Variants in KCNN2 observed in about 807,000 individuals in gnomAD.
KCNN2 encodes the protein potassium calcium-activated channel subfamily N member 2, also known as small conductance calcium-activated potassium channel protein 2.
KCNN2 carries 24 observed loss-of-function variants against 55.5 expected under a neutral mutation model. The ratio of observed to expected loss-of-function variants is 0.43; its 90% CI spans 0.31 to 0.61. The LOEUF (loss-of-function observed/expected upper bound fraction) is 0.61. KCNN2 is among the 20% of genes least tolerant of loss of function. KCNN2 has a pLI of 0.08. For synonymous variants in KCNN2, 431 were observed against 336.1 expected, an observed-to-expected ratio of 1.28 and a Z score of -3.09; for missense variants, 754 against 853.6, an observed-to-expected ratio of 0.88 and a Z score of 1.45.
intron 3 of KCNN2, among the ~76,000 whole-genome samples, chr5:114,430,800 T>C (rs1475859894): frequency 1.3e-5 from 2 of 152,122 alleles, no homozygotes; most frequent in African/African-American, 4.8e-5. Context: ...GATTTTACCA[T>C]GAATGGGTGT....
intron 3 of KCNN2, chr5:114,434,026 T>C (rs1487489406): frequency 1.3e-5 from 2 of 152,206 alleles, no homozygotes; most frequent in East Asian, 3.8e-4. Flanking sequence ...TGTATTATTA[T>C]TTATCATATT....
Position 114,218,811 on chromosome 5 carries a change from G to C in KCNN2, c.-270-2669G>C, listed in dbSNP as rs149294705. ...TGTGTGGGATGCTGAAATCGGGGAG[G>C]CTATGCACATGTGGGGCTAGGTGTA... is the stretch of plus-strand genomic sequence containing the variant. On this transcript the variant is annotated intron_variant, in intron 1 of 10. Coordinates refer to the KCNN2 transcript ENST00000512097. 2.3e-3 allele frequency among the ~76,000 whole-genome samples: 352 copies of C among 152,304 alleles called. 2 individuals carry two copies. Among genetic ancestry groups the C allele is most frequent in the Non-Finnish European group, 3.7e-3 (251 of 68,022 alleles).
intron 1 of KCNN2, among the ~76,000 whole-genome samples, chr5:114,148,853 C>T (rs12110227): frequency 6.6e-6 from 1 of 152,000 alleles, no homozygotes; most frequent in Non-Finnish European, 1.5e-5. Flanking sequence ...GGGTCAGCTA[C>T]TCGAGGTACA....
chr5:114,119,892 T>C (rs146098484), intron 1 of KCNN2, among the ~76,000 whole-genome samples: 82 of 152,228 alleles, frequency 5.4e-4, no homozygotes, highest in Admixed American at 2.4e-3. Flanking sequence ...GTGTCTCGCA[T>C]AGGTTTTGAG....
chr5:114,403,786 A>G (rs1015614577), intron 2 of KCNN2, among the ~76,000 whole-genome samples: 1 of 152,192 alleles, frequency 6.6e-6, no homozygotes, highest in African/African-American at 2.4e-5. Flanking sequence ...CAGAAACAGG[A>G]GGAAAAAGGG....
At chr5:114,451,040 G>A (rs73245987) in intron 3 of KCNN2, among the ~76,000 whole-genome samples, 2,784 of 152,194 alleles carry the variant, frequency 0.018, 89 homozygotes, top group African/African-American at 0.063. Flanking sequence ...GTTCTTATAG[G>A]TTTTTAACAT....
chr5:114,409,828 C>T (rs1369680550), intron 3 of KCNN2, among the ~76,000 whole-genome samples: 1 of 152,136 alleles, frequency 6.6e-6, no homozygotes, highest in Non-Finnish European at 1.5e-5. Context: ...CCTGGCATAT[C>T]ATGTGCCTCT....
At position 114,495,901 on chromosome 5, in the gene KCNN2, A is replaced by C. The variant is rs1748093830; in HGVS notation, c.2095A>C (p.Asn699His). The change falls in exon 8 of 8, where the codon AAC becomes CAC. Residue 699 changes from asparagine to histidine, a missense_variant. Asn to His is a moderately conservative substitution (Grantham distance 68). Around this residue, in one of 4 missense-constraint regions of KCNN2, gnomAD observed 164 missense variants for 156.6 expected, o/e 1.05. Coordinates refer to ENST00000673685, the MANE Select transcript of KCNN2 (RefSeq NM_021614.4). Reference sequence around the variant, plus strand: ...TCTCAATCCTGTTTTTCAGACCCAGAACATCATGTATGATATGATTTCTGA... The same window carrying C: ...TCTCAATCCTGTTTTTCAGACCCAGCACATCATGTATGATATGATTTCTGA... Reference protein sequence around the residue: ...NTLVDLAKTQNIMYDMISDLN... With the variant: ...NTLVDLAKTQHIMYDMISDLN... 4 of 1,612,420 alleles carry C rather than the reference A, an allele frequency of 2.5e-6. No homozygotes were observed. Among genetic ancestry groups the C allele is most frequent in the Non-Finnish European group, 3.4e-6 (4 of 1,178,670 alleles).
chr5:114,096,342 A>G (rs555267723), intron 1 of KCNN2, among the ~76,000 whole-genome samples: 4 of 152,292 alleles, frequency 2.6e-5, no homozygotes, highest in African/African-American at 9.6e-5. Flanking sequence ...TAAAACAACT[A>G]TACACTAACT....
At chr5:114,244,792 C>T (rs1244974432) in intron 2 of KCNN2, among the ~76,000 whole-genome samples, 1 of 152,140 alleles carries the variant, frequency 6.6e-6, no homozygotes, top group Non-Finnish European at 1.5e-5. Flanking sequence ...TGAAGCTTTA[C>T]TCATTGAAGC....
chr5:114,184,206 C>G (rs991920104), intron 1 of KCNN2, among the ~76,000 whole-genome samples: 1 of 152,116 alleles, frequency 6.6e-6, no homozygotes, highest in African/African-American at 2.4e-5. Context: ...ATAGTGTTCT[C>G]AAAACATGCC....
At chr5:114,097,398 T>C (rs571423683) in intron 1 of KCNN2, among the ~76,000 whole-genome samples, 18 of 152,316 alleles carry the variant, frequency 1.2e-4, no homozygotes, top group African/African-American at 3.6e-4. Flanking sequence ...TGGAGAACTG[T>C]CTCTGTGTCC....
intron 2 of KCNN2, among the ~76,000 whole-genome samples, chr5:114,306,659 T>C (rs1288186001): frequency 6.6e-6 from 1 of 151,718 alleles, no homozygotes; most frequent in Non-Finnish European, 1.5e-5. Flanking sequence ...GTACCTTTAC[T>C]ACCCACCTTT....
chr5:114,059,367 A>T (rs961605267), intron 1 of KCNN2, among the ~76,000 whole-genome samples: 1 of 152,234 alleles, frequency 6.6e-6, no homozygotes, highest in Admixed American at 6.5e-5. Context: ...ATAGTGAGAC[A>T]TGAGTATGAA....
intron 2 of KCNN2, among the ~76,000 whole-genome samples, chr5:114,223,626 A>G (rs1407000018): frequency 6.6e-6 from 1 of 152,212 alleles, no homozygotes; most frequent in Non-Finnish European, 1.5e-5. Context: ...AGAATTTAAT[A>G]CAAAGAATTG....
intron 2 of KCNN2, among the ~76,000 whole-genome samples, chr5:114,251,418 A>G (rs1488088311): frequency 1.3e-5 from 2 of 152,222 alleles, no homozygotes; most frequent in Admixed American, 1.3e-4. Flanking sequence ...GTCTCAGTTT[A>G]CTTATTGATG....
At chr5:114,190,446 T>TA (rs1159303709) in intron 1 of KCNN2, among the ~76,000 whole-genome samples, 2 of 152,076 alleles carry the variant, frequency 1.3e-5, no homozygotes, top group African/African-American at 4.8e-5. Flanking sequence ...AATAATGAGT[T>TA]AAAGAAAGCA....
chr5:114,259,607 C>A (rs1018786453), intron 2 of KCNN2, among the ~76,000 whole-genome samples: 2 of 151,998 alleles, frequency 1.3e-5, no homozygotes, highest in African/African-American at 4.8e-5. Flanking sequence ...TACCGTAAAA[C>A]TTAAAGTATA....
At chr5:114,259,491 C>G (rs1427475434) in intron 2 of KCNN2, among the ~76,000 whole-genome samples, 1 of 152,190 alleles carries the variant, frequency 6.6e-6, no homozygotes, top group Non-Finnish European at 1.5e-5. Context: ...AGTTGGTGAT[C>G]TGGTGTACTG....
Sources: allele counts gnomAD v4.1 joint callset (sites outside exome capture counted in the v4.1 genomes callset), GRCh38; gene constraint gnomAD v4.1.1; regional missense constraint gnomAD v4.1.1; transcripts MANE v1.5; gene names NCBI Gene and HGNC (gene_info 2026-07-23, HGNC 2026-07-21).